The following PGGHG variants were observed in gnomAD, a reference collection of about 807,000 sequenced individuals.
The protein encoded by PGGHG is ATH1, acid trehalase-like 1.
PGGHG carries 67 observed loss-of-function variants against 74.5 expected under a neutral mutation model. The observed-to-expected ratio is 0.90, with a 90% confidence interval of 0.74 to 1.10. PGGHG has a LOEUF of 1.10. Ranked by LOEUF, PGGHG falls within the 50% of genes least tolerant of loss-of-function variation. The pLI, the probability that PGGHG is intolerant of heterozygous loss-of-function variation, is 0.00. For synonymous variants in PGGHG, 496 were observed against 419.9 expected (o/e 1.18, Z -2.21); for missense variants, 1,034 against 981.5 (o/e 1.05, Z -0.72).
Position 289,816 on chromosome 11 carries a change from C to G in PGGHG, c.-1C>G. The G allele has an allele frequency of 6.5e-7, 1 of 1,549,318 alleles. No homozygotes were observed. The highest frequency in any genetic ancestry group is 1.2e-5 in the South Asian group (1 of 83,878). The stretch of plus-strand genomic sequence containing the variant: ...TCAGGCCGCTCAGGCCCAGCAGCTC[C>G]ATGGAGGACGCCGGCGAGGACCCCA... On this transcript the variant is annotated 5_prime_UTR_variant, in exon 2 of 14. Transcript: ENST00000409548. The surrounding 1 kb of genome is among the most constrained non-coding windows in gnomAD (Gnocchi z 5.6).
rs756113972 is a variant in PGGHG, at chr11:291,044, C to T, written c.837C>T (p.Gly279=). The T allele has an allele frequency of 3.1e-6, 5 of 1,612,070 alleles. No homozygotes were observed. The highest frequency in any genetic ancestry group is 2.7e-5 in the African/African-American group (2 of 75,036). The change falls in exon 4 of 14, where the codon GGC becomes GGT. Residue 279 remains glycine, a synonymous_variant. Transcript: ENST00000409548. ...QPKAPGYICH[G]LSPGGLSNGS... Reference sequence around the variant, plus strand: ...AGGCCCCAGGATACATCTGCCATGGCCTCAGTCCTGGGGGCCTCTCCAATG... The same window carrying T: ...AGGCCCCAGGATACATCTGCCATGGTCTCAGTCCTGGGGGCCTCTCCAATG...
At position 294,651 on chromosome 11, in the gene PGGHG, T is replaced by C; in HGVS notation, c.2116T>C (p.Phe706Leu). ...SSSSEFPGRT[F>L]SDVRDPLQSP... ...CAGCTCCGAGTTCCCTGGGAGGACT[T>C]TTTCAGATGTTAGGGACCCGCTCCA... The change falls in exon 14 of 14, where the codon TTT becomes CTT. Residue 706 changes from phenylalanine to leucine, a missense_variant. Phe to Leu is a conservative substitution (Grantham distance 22, BLOSUM62 0). Transcript: ENST00000409548. 3.7e-6 allele frequency: 6 copies of C among 1,612,508 alleles called. No individual in the cohort carries two copies. The highest frequency in any genetic ancestry group is 5.1e-6 in the Non-Finnish European group (6 of 1,179,622).
chr11:293,260 C>T (rs1845781348), intron 8 of PGGHG, 25 bp downstream of exon 8: 1 of 1,608,070 alleles, frequency 6.2e-7, no homozygotes, highest in Non-Finnish European at 8.5e-7. Flanking sequence ...CCCCTCACCT[C>T]ACCCCACCCC....
chr11:292,068 G>A lies in PGGHG; in HGVS notation c.999G>A (p.Leu333=). 6.3e-7 allele frequency: 1 copy of A among 1,576,192 alleles called. No homozygotes were observed. Among genetic ancestry groups the A allele is most frequent in the Middle Eastern group, 1.7e-4 (1 of 6,002 alleles). The change falls in exon 5 of 14, where the codon CTG becomes CTA. Residue 333 remains leucine, a synonymous_variant. Coordinates refer to ENST00000409548, the MANE Select transcript of PGGHG (RefSeq NM_025092.5). ...GCATCCGCACGCTGGACGGGGCCCT[G>A]GAGAACGCCCAGAACCTGGGCTACC... ...EYRIRTLDGA[L]ENAQNLGYQG...
intron 4 of PGGHG, chr11:291,376 G>C (rs906169674): frequency 6.3e-6 from 3 of 473,228 alleles, no homozygotes. Flanking sequence ...AGGGCTGCAG[G>C]TCCAGATCAC....
rs1246152062 is a variant in PGGHG, at chr11:289,297, C to T, written c.-14+58C>T. On this transcript the variant is annotated intron_variant, in intron 1 of 13. Coordinates refer to ENST00000409548, the MANE Select transcript of PGGHG (RefSeq NM_025092.5). This position sits in a 1 kb window ranked among gnomAD's most constrained non-coding sequence, Gnocchi z 5.6. ...CGGCCGCCCCGGCCCGTCCCCCCAG[C>T]CCCCGGTCGCCCCATCCTCCCTCCC... The T allele has an allele frequency of 1.4e-5, 2 of 143,248 alleles. No individual in the cohort carries two copies. Among genetic ancestry groups the T allele is most frequent in the African/African-American group, 5.1e-5 (2 of 39,090 alleles). 8.9% of individuals were successfully genotyped at this position (143,248 alleles called of 1,614,324 possible).
In PGGHG at chr11:294,274, C is replaced by T. The variant is rs143073034; in HGVS notation, c.1816C>T (p.Arg606Ter). 100 of 1,604,190 alleles carry T rather than the reference C, an allele frequency of 6.2e-5. No individual in the cohort carries two copies. Among genetic ancestry groups the T allele is most frequent in the Non-Finnish European group, 7.9e-5 (93 of 1,174,774 alleles). ...AAGCCTCTCCTCCCACAGGGTCACC[C>T]GAGCGGGTGTGACCTTTGACCCTGT... The part of the protein sequence containing the change: ...VFGCTGFRVT[R>*]AGVTFDPVCL... Residue 606 changes from arginine to a stop codon, truncating the protein, a stop_gained, in exon 13 of 14, where the codon CGA becomes TGA. Transcript: ENST00000409548. LOFTEE classifies it high-confidence loss of function.
rs1163009334 is a variant in PGGHG at position 291,093 on chromosome 11, G to A, written c.886G>A (p.Gly296Ser). Residue 296 changes from glycine (G) to serine (S), a missense_variant, in exon 4 of 14, where the codon GGC (glycine) becomes AGC (serine). Physicochemically the swap from Gly to Ser is moderately conservative, Grantham distance 56. Coordinates refer to ENST00000409548, the MANE Select transcript of PGGHG (RefSeq NM_025092.5). ...TGGGAGCCGTGAGGAATGCTACTGG[G>A]GCCACGTCTTCTGGGACCAGGTGAG... ...SNGSREECYW[G>S]HVFWDQDLWM... is the part of the protein sequence containing the mutation. 1 of 1,589,620 alleles carries A rather than the reference G, an allele frequency of 6.3e-7. No individual in the cohort carries two copies. Among genetic ancestry groups the A allele is most frequent in the African/African-American group, 1.3e-5 (1 of 74,492 alleles).
Position 290,250 on chromosome 11 carries a change from G to A in PGGHG, c.260-140G>A, listed in dbSNP as rs551051541. ...TTCCCTCCACCTGGAGGCCTCCTGT[G>A]CAGCTGTAGCGGGAACGAGCAGCCG... On this transcript the variant is annotated intron_variant, in intron 2 of 13. Transcript: ENST00000409548. 966 of 1,343,804 alleles carry A rather than the reference G, an allele frequency of 7.2e-4. 1 individual carries two copies. Among genetic ancestry groups the A allele is most frequent in the Admixed American group, 1.6e-3 (70 of 42,852 alleles). 83.2% of individuals were successfully genotyped at this position (1,343,804 alleles called of 1,614,324 possible).
chr11:294,244 C>T, intron 12 of PGGHG, 23 bp from the exon 13 acceptor site: 2 of 1,593,332 alleles, frequency 1.3e-6, no homozygotes, highest in Non-Finnish European at 8.6e-7. Flanking sequence ...CACCTGCCAC[C>T]TCACAAGCCT....
Position 293,205 on chromosome 11 carries a change from C to A in PGGHG, c.1313C>A (p.Ser438Tyr). 1 of 1,613,838 alleles carries A rather than the reference C, an allele frequency of 6.2e-7. No individual in the cohort carries two copies. The highest frequency in any genetic ancestry group is 8.5e-7 in the Non-Finnish European group (1 of 1,179,988). Reference protein sequence around the residue: ...PDEYHSGVNNSVYTNVLVQNS... With the variant: ...PDEYHSGVNNYVYTNVLVQNS... ...GAGTACCATTCAGGGGTCAACAACT[C>A]TGTGTACACCAACGTCCTGGTCCAG... is the stretch of plus-strand genomic sequence containing the variant. The change falls in exon 8 of 14, where the codon TCT becomes TAT. Residue 438 changes from serine to tyrosine, a missense_variant. Coordinates refer to ENST00000409548, the MANE Select transcript of PGGHG (RefSeq NM_025092.5).
rs143073034 is a variant in PGGHG at position 294,274 on chromosome 11, C to G, written c.1816C>G (p.Arg606Gly). ...VFGCTGFRVT[R>G]AGVTFDPVCL... ...AAGCCTCTCCTCCCACAGGGTCACC[C>G]GAGCGGGTGTGACCTTTGACCCTGT... Residue 606 changes from arginine (R) to glycine (G), a missense_variant, in exon 13 of 14, where the codon CGA (arginine) becomes GGA (glycine). By Grantham distance (125) the Arg-to-Gly change is moderately radical (BLOSUM62 -2). Coordinates refer to ENST00000409548, the MANE Select transcript of PGGHG (RefSeq NM_025092.5). 23 of 1,604,308 alleles carry G rather than the reference C, an allele frequency of 1.4e-5. No individual in the cohort carries two copies. Among genetic ancestry groups the G allele is most frequent in the East Asian group, 2.2e-5 (1 of 44,816 alleles).
rs1223552401 is a variant in PGGHG, at chr11:289,838, C to T, written c.22C>T (p.Pro8Ser). Residue 8 changes from proline (P) to serine (S), a missense_variant, in exon 2 of 14, where the codon CCC becomes TCC. Pro to Ser is a moderately conservative substitution (Grantham distance 74). Transcript: ENST00000409548. This position sits in a 1 kb window ranked among gnomAD's most constrained non-coding sequence, Gnocchi z 5.6. The part of the protein sequence containing the change: MEDAGED[P>S]TTFAAHSLPS... ...CTCCATGGAGGACGCCGGCGAGGAC[C>T]CCACCACGTTTGCTGCCCACTCTCT... 6.4e-7 allele frequency: 1 copy of T among 1,550,692 alleles called. No individual in the cohort carries two copies. The highest frequency in any genetic ancestry group is 1.2e-5 in the South Asian group (1 of 84,050).
At chr11:290,119 C>T (rs1845672645) in intron 2 of PGGHG, 44 bp downstream of exon 2, 1 of 1,486,892 alleles carries the variant, frequency 6.7e-7, no homozygotes, top group South Asian at 1.3e-5. Context: ...AGGCATTGTT[C>T]CAGGTCGGTG....
chr11:289,917 G>C lies in PGGHG; in HGVS notation c.101G>C (p.Arg34Pro), dbSNP rs556436029. 1.3e-6 allele frequency: 2 copies of C among 1,551,018 alleles called. No homozygotes were observed. The highest frequency in any genetic ancestry group is 4.9e-5 in the East Asian group (2 of 40,916). Residue 34 changes from arginine (R) to proline (P), a missense_variant, in exon 2 of 14, where the codon CGA (arginine) becomes CCA (proline). Physicochemically the swap from Arg to Pro is moderately radical, Grantham distance 103. Transcript: ENST00000409548. This position sits in a 1 kb window ranked among gnomAD's most constrained non-coding sequence, Gnocchi z 5.6. Reference protein sequence around the residue: ...ATVTNAYLGTRVFHDTLHVSG... With the variant: ...ATVTNAYLGTPVFHDTLHVSG... ...GTGACCAACGCATACCTGGGCACAC[G>C]AGTGTTTCACGACACGCTGCACGTG... is the stretch of plus-strand genomic sequence containing the variant.
At chr11:291,642 C>T (rs759264617) in intron 4 of PGGHG, 18 of 303,730 alleles carry the variant, frequency 5.9e-5, no homozygotes, top group Non-Finnish European at 8.7e-5. Flanking sequence ...CCGGTGCTGC[C>T]GCTGTGGCCG....
rs372906998 is a variant in PGGHG, at chr11:294,772, C to T, written c.*23C>T. The T allele has an allele frequency of 3.8e-5, 60 of 1,569,946 alleles. 1 individual carries two copies. The highest frequency in any genetic ancestry group is 4.6e-5 in the South Asian group (4 of 87,348). Reference sequence around the variant, plus strand: ...TAATCAGGAACGGTGGCTTCAGAGACGTCTCTTGGGCCTTCCCTCTGGCCA... The same window carrying T: ...TAATCAGGAACGGTGGCTTCAGAGATGTCTCTTGGGCCTTCCCTCTGGCCA... On this transcript the variant is annotated 3_prime_UTR_variant, in exon 14 of 14. Transcript: ENST00000409548.
At position 293,589 on chromosome 11, in the gene PGGHG, T is replaced by C. The variant is rs752679068; in HGVS notation, c.1481-5T>C. On this transcript the variant is annotated splice_polypyrimidine_tract_variant and splice_region_variant and intron_variant, in intron 9 of 13. Coordinates refer to ENST00000409548, the MANE Select transcript of PGGHG (RefSeq NM_025092.5). The stretch of plus-strand genomic sequence containing the variant: ...CACCTTCCAGTCAGCGGCACCTCCC[T>C]GTAGGAGAGGTGGTGAAGCAGGCAG... The C allele has an allele frequency of 6.2e-6, 10 of 1,613,472 alleles. No individual in the cohort carries two copies. In the East Asian group the frequency reaches 1.3e-4, roughly 22 times the overall value.
chr11:292,603 A>G lies in PGGHG; in HGVS notation c.1084A>G (p.Ile362Val), dbSNP rs149924011. ...CGGCCTAGAGGTTTGCCCTGAGGAC[A>G]TTTACGGAGTCCAGGAGGTCCACGT... ...DSGLEVCPED[I>V]YGVQEVHVNG... Residue 362 changes from isoleucine to valine, a missense_variant, in exon 6 of 14, where the codon ATT becomes GTT. By Grantham distance (29) the Ile-to-Val change is conservative. Transcript: ENST00000409548. 6.2e-7 allele frequency: 1 copy of G among 1,613,672 alleles called. No individual in the cohort carries two copies. The highest frequency in any genetic ancestry group is 8.5e-7 in the Non-Finnish European group (1 of 1,179,980).
Sources: gnomAD v4.1 joint callset for allele counts on GRCh38, gnomAD v4.1.1 for gene constraint, Gnocchi (gnomAD v3.1) non-coding constraint, MANE v1.5 for transcripts, NCBI Gene and HGNC (gene_info 2026-07-23, HGNC 2026-07-21) for gene names.